The following EGFR variants were observed in gnomAD, a reference collection of about 807,000 sequenced individuals.
The protein encoded by EGFR is avian erythroblastic leukemia viral (v-erb-b) oncogene homolog.
EGFR carries 58 observed loss-of-function variants against 143.0 expected under a neutral mutation model. The observed-to-expected ratio is 0.41, with a 90% CI of 0.33 to 0.50. The LOEUF (loss-of-function observed/expected upper bound fraction) is 0.50. EGFR is among the 20% of genes least tolerant of loss of function. The pLI is 0.39. For missense variants in EGFR, 1,307 were observed against 1,579.0 expected (o/e 0.83, Z 2.92); for synonymous variants, 613 against 594.4 (o/e 1.03, Z -0.45).
intron 1 of EGFR, among the ~76,000 whole-genome samples, chr7:55,081,187 G>T (rs1790443081): frequency 6.6e-6 from 1 of 152,154 alleles, no homozygotes. Context: ...TTTTGGCAGG[G>T]TTCCTTGCAG....
At chr7:55,181,681 T>C in intron 20 of EGFR, 1 of 649,160 alleles carries the variant, frequency 1.5e-6, no homozygotes. Flanking sequence ...ATGTGGAAAC[T>C]CTCATCAATC....
chr7:55,041,084 A>G (rs1787868931), intron 1 of EGFR, among the ~76,000 whole-genome samples: 1 of 152,222 alleles, frequency 6.6e-6, no homozygotes, highest in South Asian at 2.1e-4. Flanking sequence ...TTAGCAGTAC[A>G]CAGGTGGTGT....
At chr7:55,091,956 A>G (rs1202691355) in intron 1 of EGFR, among the ~76,000 whole-genome samples, 1 of 151,956 alleles carries the variant, frequency 6.6e-6, no homozygotes, top group Non-Finnish European at 1.5e-5. Flanking sequence ...AAAATAATAC[A>G]TGCTCTAATG....
intron 1 of EGFR, among the ~76,000 whole-genome samples, chr7:55,062,917 C>G (rs1789275007): frequency 2.0e-5 from 3 of 151,646 alleles, no homozygotes; most frequent in Admixed American, 1.3e-4. Flanking sequence ...TGCTCTAAGC[C>G]CATTGGTTTA....
intron 1 of EGFR, among the ~76,000 whole-genome samples, chr7:55,135,687 T>C (rs1291611476): frequency 6.6e-6 from 1 of 152,192 alleles, no homozygotes; most frequent in South Asian, 2.1e-4. Context: ...CTCACAACTA[T>C]AGGTTTTCTA....
At chr7:55,050,958 T>A (rs1389853560) in intron 1 of EGFR, among the ~76,000 whole-genome samples, 1 of 152,216 alleles carries the variant, frequency 6.6e-6, no homozygotes, top group Non-Finnish European at 1.5e-5. Flanking sequence ...CCCACACAGC[T>A]GTCCTGCGGT....
chr7:55,202,955 A>G (rs1009860260), intron 27 of EGFR: 31 of 568,322 alleles, frequency 5.5e-5, no homozygotes, highest in Non-Finnish European at 8.1e-5. Context: ...GTGTGTGTGT[A>G]TGTGTGTGTT....
At chr7:55,201,052 A>T (rs1787824247) in intron 24 of EGFR, 136 bp from the exon 25 acceptor site, 2 of 1,082,654 alleles carry the variant, frequency 1.8e-6, no homozygotes, top group Non-Finnish European at 2.8e-6. Context: ...TAATTTAGAG[A>T]ACCAAGGGGG....
chr7:55,036,547 C>CCCAG (rs1787598140), intron 1 of EGFR, among the ~76,000 whole-genome samples: 2 of 151,986 alleles, frequency 1.3e-5, no homozygotes, highest in African/African-American at 2.4e-5. Flanking sequence ...CACCTGAATC[C>CCCAG]CCAGCCATTT....
intron 1 of EGFR, among the ~76,000 whole-genome samples, chr7:55,026,762 C>T (rs1040671054): frequency 2.6e-5 from 4 of 152,168 alleles, no homozygotes; most frequent in Non-Finnish European, 4.4e-5. Flanking sequence ...TCTCCCTCAC[C>T]CTAAAACCAA....
At chr7:55,098,515 T>C (rs1316590869) in intron 1 of EGFR, among the ~76,000 whole-genome samples, 1 of 152,210 alleles carries the variant, frequency 6.6e-6, no homozygotes, top group Non-Finnish European at 1.5e-5. Flanking sequence ...CCTTAAGGCA[T>C]CAGAAATTAT....
chr7:55,039,438 C>A (rs192121763), intron 1 of EGFR, among the ~76,000 whole-genome samples: 2 of 152,146 alleles, frequency 1.3e-5, no homozygotes, highest in African/African-American at 4.8e-5. Context: ...AGACCAGGAC[C>A]TTTAACGCCC....
At position 55,116,043 on chromosome 7, in the gene EGFR, A is replaced by C. The variant is rs549029388; in HGVS notation, c.89-26243A>C. The stretch of plus-strand genomic sequence containing the variant: ...TACTTGATTTAGAATGGGGCACAAC[A>C]TGTGGATTCATGGTAACTGTTACAA... On this transcript the variant is annotated intron_variant, in intron 1 of 27. Coordinates refer to ENST00000275493, the MANE Select transcript of EGFR (RefSeq NM_005228.5). Among the ~76,000 whole-genome samples, 5 of 152,352 alleles carry C rather than the reference A, an allele frequency of 3.3e-5. No individual in the cohort carries two copies. The East Asian group carries it at 9.6e-4, about 29-fold the overall frequency.
At chr7:55,117,902 TG>T (rs553738616) in intron 1 of EGFR, among the ~76,000 whole-genome samples, 4 of 152,132 alleles carry the variant, frequency 2.6e-5, no homozygotes, top group Non-Finnish European at 4.4e-5. Context: ...GTGCTGATGC[TG>T]GGAAGACTGG....
chr7:55,021,889 C>T (rs373368167), intron 1 of EGFR, among the ~76,000 whole-genome samples: 6 of 152,194 alleles, frequency 3.9e-5, no homozygotes, highest in Admixed American at 2.6e-4. Context: ...GGGAGGCAGA[C>T]GGGAAATTCA....
chr7:55,183,297 T>C (rs1462558512), intron 20 of EGFR, among the ~76,000 whole-genome samples: 2 of 152,158 alleles, frequency 1.3e-5, no homozygotes, highest in East Asian at 1.9e-4. Flanking sequence ...GTGGTAGATA[T>C]ATTAATTAGT....
chr7:55,093,086 T>C (rs1373439928), intron 1 of EGFR, among the ~76,000 whole-genome samples: 1 of 152,202 alleles, frequency 6.6e-6, no homozygotes, highest in Admixed American at 6.5e-5. Context: ...CAGAATGAAA[T>C]GAGGCTTTGA....
intron 1 of EGFR, among the ~76,000 whole-genome samples, chr7:55,046,771 A>G (rs1014021396): frequency 4.6e-5 from 7 of 152,184 alleles, no homozygotes; most frequent in African/African-American, 1.7e-4. Flanking sequence ...ATTCACATTC[A>G]GATCACCTCT....
chr7:55,121,422 G>A (rs1793197487), intron 1 of EGFR, among the ~76,000 whole-genome samples: 1 of 152,168 alleles, frequency 6.6e-6, no homozygotes, highest in Non-Finnish European at 1.5e-5. Context: ...CCCTTCTTAG[G>A]TAACAGCTCA....
Sources: gnomAD v4.1 joint callset for allele counts (sites outside exome capture counted in the v4.1 genomes callset) on GRCh38, gnomAD v4.1.1 for gene constraint, MANE v1.5 for transcripts, NCBI Gene and HGNC (gene_info 2026-07-23, HGNC 2026-07-21) for gene names.